The following ST8SIA4 variants were observed in gnomAD, a reference collection of about 807,000 sequenced individuals.
The protein encoded by ST8SIA4 is CMP-N-acetylneuraminate-poly-alpha-2,8-sialyltransferase.
Under a neutral mutation model 33.9 loss-of-function variants are expected in ST8SIA4, and 15 were observed. That is an observed-to-expected ratio of 0.44 (90% confidence interval 0.30 to 0.68). The LOEUF (loss-of-function observed/expected upper bound fraction) is 0.68, where lower values mean the gene tolerates loss of function less well. Among genes scored for constraint, ST8SIA4 ranks in the 30% least tolerant of loss-of-function variants. The probability of loss-of-function intolerance (pLI) is 0.10; values close to 1 mark genes in which losing one functional copy is unlikely to be tolerated. For missense variants in ST8SIA4, 321 were observed against 428.0 expected (o/e 0.75, Z 2.21); for synonymous variants, 171 against 151.2 (o/e 1.13, Z -0.96).
chr5:100,891,840 T>C (rs1752673887), intron 2 of ST8SIA4, among the ~76,000 whole-genome samples: 1 of 152,096 alleles, frequency 6.6e-6, no homozygotes, highest in Admixed American at 6.6e-5. Context: ...TAATAAGCTT[T>C]GTGACCCAAG....
intron 3 of ST8SIA4, among the ~76,000 whole-genome samples, chr5:100,870,501 A>G (rs1025471352): frequency 2.6e-5 from 4 of 152,204 alleles, no homozygotes; most frequent in Admixed American, 6.5e-5. Flanking sequence ...GCCAACATCA[A>G]TGTAACTTTT....
intron 4 of ST8SIA4, among the ~76,000 whole-genome samples, chr5:100,850,876 C>T (rs1244457520): frequency 6.7e-6 from 1 of 148,972 alleles, no homozygotes; most frequent in African/African-American, 2.5e-5. Context: ...GTTGTTACTT[C>T]AGGATATTGT....
In ST8SIA4 at chr5:100,808,251, T is replaced by C. The variant is rs1750734590; in HGVS notation, c.*3596A>G. 6.6e-6 allele frequency: 1 copy of C among 152,658 alleles called. No homozygotes were observed. Among genetic ancestry groups the C allele is most frequent in the African/African-American group, 2.4e-5 (1 of 41,470 alleles). The allele number at this position is 152,658 out of a possible 1,614,324, so 9.5% of individuals were successfully genotyped here. A position where few individuals can be genotyped will look rare whatever the true frequency, so the allele number is the denominator to read the frequency against. On this transcript the variant is annotated 3_prime_UTR_variant, in exon 5 of 5. Coordinates refer to ENST00000231461, the MANE Select transcript of ST8SIA4 (RefSeq NM_005668.6). ...CTAGCATTACTTAAATAAATTGCTT[T>C]TGTAAGCATATATGTAGAAATTCCC...
Position 100,812,068 on chromosome 5 carries a change from G to A in ST8SIA4, c.859C>T (p.Leu287Phe), listed in dbSNP as rs1750828132. Reference protein sequence around the residue: ...RPSTGLLMYTLATRFCDEIHL... With the variant: ...RPSTGLLMYTFATRFCDEIHL... ...ATTTCATCACAGAATCTTGTGGCAA[G>A]TGTATACATGAGAAGACCTGTGCTG... The change falls in exon 5 of 5, where the codon CTT (leucine) becomes TTT (phenylalanine). Residue 287 changes from leucine (L) to phenylalanine (F), a missense_variant. Transcript: ENST00000231461. 3 of 1,614,146 alleles carry A rather than the reference G, an allele frequency of 1.9e-6. No individual in the cohort carries two copies. Among genetic ancestry groups the A allele is most frequent in the Non-Finnish European group, 2.5e-6 (3 of 1,179,998 alleles).
rs575663408 is a variant in ST8SIA4 at position 100,838,510 on chromosome 5, A to G, written c.797+17593T>C. On this transcript the variant is annotated intron_variant, in intron 4 of 4. Coordinates refer to ENST00000231461, the MANE Select transcript of ST8SIA4 (RefSeq NM_005668.6). ...ACTGCTAACGAATACACATCAAATA[A>G]CATAACCAAAATACATCTTGGCCAG... 3.2e-4 allele frequency among the ~76,000 whole-genome samples: 49 copies of G among 152,064 alleles called. No homozygotes were observed. In the South Asian group the frequency reaches 3.3e-3, roughly 10 times the overall value.
At chr5:100,863,891 T>C (rs1340998038) in intron 3 of ST8SIA4, among the ~76,000 whole-genome samples, 1 of 152,242 alleles carries the variant, frequency 6.6e-6, no homozygotes, top group African/African-American at 2.4e-5. Context: ...TTACACTGTC[T>C]TTATTCACTT....
intron 4 of ST8SIA4, among the ~76,000 whole-genome samples, chr5:100,847,725 T>A (rs1402586321): frequency 1.3e-5 from 2 of 152,132 alleles, no homozygotes; most frequent in Non-Finnish European, 2.9e-5. Flanking sequence ...GAGTGAATAC[T>A]ACCCAGATGA....
intron 1 of ST8SIA4, among the ~76,000 whole-genome samples, chr5:100,900,137 G>T (rs1752869433): frequency 6.6e-6 from 1 of 152,308 alleles, no homozygotes; most frequent in Non-Finnish European, 1.5e-5. Context: ...TTTGCGGGGG[G>T]GAAGGGTCGA....
At chr5:100,849,982 A>AT (rs1454773666) in intron 4 of ST8SIA4, among the ~76,000 whole-genome samples, 2 of 152,234 alleles carry the variant, frequency 1.3e-5, no homozygotes, top group African/African-American at 4.8e-5. Context: ...AAAAGACTAT[A>AT]TTTTTTTAAG....
chr5:100,886,447 T>C lies in ST8SIA4; in HGVS notation c.399A>G (p.Pro133=). 6.2e-7 allele frequency: 1 copy of C among 1,613,970 alleles called. No individual in the cohort carries two copies. Among genetic ancestry groups the C allele is most frequent in the Non-Finnish European group, 8.5e-7 (1 of 1,179,854 alleles). Residue 133 remains proline (P), a synonymous_variant, in exon 3 of 5, where the codon CCA becomes CCG. Coordinates refer to ENST00000231461, the MANE Select transcript of ST8SIA4 (RefSeq NM_005668.6). The part of the protein sequence containing the change: ...DLHSLLPEVS[P]MKNRRFKTCA... ...AGGTCTTAAACCTGCGATTCTTCAT[T>C]GGTGAAACTTCAGGTAGGAGGCTAT...
At chr5:100,892,260 T>C (rs892413511) in intron 2 of ST8SIA4, among the ~76,000 whole-genome samples, 27 of 152,148 alleles carry the variant, frequency 1.8e-4, no homozygotes, top group African/African-American at 6.5e-4. Flanking sequence ...TCCCGTACGA[T>C]GTTCACAGAT....
intron 4 of ST8SIA4, among the ~76,000 whole-genome samples, chr5:100,844,443 C>T (rs951759120): frequency 2.0e-5 from 3 of 151,830 alleles, no homozygotes; most frequent in African/African-American, 7.2e-5. Context: ...CATAGAATAA[C>T]CCTGGCTATT....
intron 4 of ST8SIA4, among the ~76,000 whole-genome samples, chr5:100,823,995 T>C (rs1436523575): frequency 1.3e-5 from 2 of 152,222 alleles, no homozygotes; most frequent in African/African-American, 4.8e-5. Context: ...AATATAACTT[T>C]CTTTAAAATG....
At chr5:100,832,860 C>T (rs1158762944) in intron 4 of ST8SIA4, among the ~76,000 whole-genome samples, 2 of 152,104 alleles carry the variant, frequency 1.3e-5, no homozygotes, top group Non-Finnish European at 2.9e-5. Context: ...GTTTCATCTA[C>T]CTTACTACTC....
chr5:100,851,149 C>T (rs1459859401), intron 4 of ST8SIA4, among the ~76,000 whole-genome samples: 2 of 151,090 alleles, frequency 1.3e-5, no homozygotes, highest in Non-Finnish European at 3.0e-5. Context: ...TTATTAGAGA[C>T]GGGGTTTCCC....
rs1398316360 is a variant in ST8SIA4, at chr5:100,808,021, G to A, written c.*3826C>T. ...ATGGGAAAACTTTCAAACTTGTAGA[G>A]ATAACAACTAACTATACACAACTCT... On this transcript the variant is annotated 3_prime_UTR_variant, in exon 5 of 5. Coordinates refer to ENST00000231461, the MANE Select transcript of ST8SIA4 (RefSeq NM_005668.6). The A allele has an allele frequency of 1.3e-5, 2 of 152,278 alleles. No homozygotes were observed. The highest frequency in any genetic ancestry group is 2.9e-5 in the Non-Finnish European group (2 of 67,934). The allele number at this position is 152,278 out of a possible 1,614,324, so 9.4% of individuals were successfully genotyped here.
intron 4 of ST8SIA4, among the ~76,000 whole-genome samples, chr5:100,825,753 C>T (rs1490544092): frequency 2.0e-5 from 3 of 151,902 alleles, no homozygotes; most frequent in Non-Finnish European, 4.4e-5. Context: ...ATAAATGTAC[C>T]TTTTCTAGCC....
At chr5:100,826,493 G>A (rs921161142) in intron 4 of ST8SIA4, among the ~76,000 whole-genome samples, 8 of 152,092 alleles carry the variant, frequency 5.3e-5, no homozygotes, top group African/African-American at 9.7e-5. Flanking sequence ...AAAAAAATAC[G>A]AAAACAAAAA....
intron 4 of ST8SIA4, among the ~76,000 whole-genome samples, chr5:100,852,451 A>C (rs1173374541): frequency 1.4e-5 from 2 of 145,104 alleles, no homozygotes; most frequent in African/African-American, 5.1e-5. Flanking sequence ...ATTAAAAAAA[A>C]AAAATACAAA....
Sources: allele counts gnomAD v4.1 joint callset (sites outside exome capture counted in the v4.1 genomes callset), GRCh38; gene constraint gnomAD v4.1.1; transcripts MANE v1.5; gene names NCBI Gene and HGNC (gene_info 2026-07-23, HGNC 2026-07-21).